ISM1: variants seen among roughly 807,000 people sequenced by gnomAD.
ISM1 encodes isthmin 1, also known as isthmin-1.
In ISM1, 25 loss-of-function variants were observed where a neutral mutation model predicts 46.3. The ratio of observed to expected loss-of-function variants is 0.54; its 90% CI spans 0.39 to 0.75. The LOEUF (loss-of-function observed/expected upper bound fraction) is 0.75. Among genes scored for constraint, ISM1 ranks in the 30% least tolerant of loss-of-function variants. The probability of loss-of-function intolerance (pLI) is 0.00; values close to 1 mark genes in which losing one functional copy is unlikely to be tolerated. For synonymous variants in ISM1, 255 were observed against 256.7 expected (o/e 0.99, Z 0.06); for missense variants, 536 against 625.4 (o/e 0.86, Z 1.52).
intron 1 of ISM1, among the ~76,000 whole-genome samples, chr20:13,251,571 G>T (rs185475206): frequency 1.3e-5 from 2 of 152,270 alleles, no homozygotes; most frequent in Admixed American, 6.5e-5. Flanking sequence ...GAGGTGCAGG[G>T]AGCAAGGGGA....
chr20:13,290,454 C>T (rs759122636), intron 4 of ISM1, among the ~76,000 whole-genome samples: 2 of 152,158 alleles, frequency 1.3e-5, no homozygotes, highest in Admixed American at 6.6e-5. Flanking sequence ...TCGAGACCAT[C>T]CTGGCTAACA....
At chr20:13,236,165 C>T (rs1008521093) in intron 1 of ISM1, among the ~76,000 whole-genome samples, 2 of 152,114 alleles carry the variant, frequency 1.3e-5, no homozygotes, top group African/African-American at 2.4e-5. Context: ...CCTTGTGATC[C>T]ACCCACCTCG....
chr20:13,245,506 A>T (rs1054370196), intron 1 of ISM1: 2 of 152,110 alleles, frequency 1.3e-5, no homozygotes, highest in African/African-American at 4.8e-5. Flanking sequence ...AAGGGAGGGG[A>T]TTGCACAAGG....
Position 13,270,514 on chromosome 20 carries a change from A to C in ISM1, c.149A>C (p.Asn50Thr). Residue 50 changes from asparagine to threonine, a missense_variant, in exon 2 of 6, where the codon AAC becomes ACC. Around this residue, in one of 2 missense-constraint regions of ISM1, gnomAD observed 367 missense variants for 376.1 expected, o/e 0.98. Coordinates refer to ENST00000262487, the MANE Select transcript of ISM1 (RefSeq NM_080826.2). The part of the protein sequence containing the change: ...ASQAQLQNNL[N>T]VGSDTTSETS... ...GTTTGTTTGTTTTAGAATAACCTCAACGTGGGAAGTGACACCACATCAGAA... is the reference window on the plus strand; with the variant it reads ...GTTTGTTTGTTTTAGAATAACCTCACCGTGGGAAGTGACACCACATCAGAA... 6.2e-7 allele frequency: 1 copy of C among 1,612,972 alleles called. No individual in the cohort carries two copies. The highest frequency in any genetic ancestry group is 8.5e-7 in the Non-Finnish European group (1 of 1,179,514).
At chr20:13,265,551 T>G (rs1361343215) in intron 1 of ISM1, among the ~76,000 whole-genome samples, 1 of 152,204 alleles carries the variant, frequency 6.6e-6, no homozygotes, top group Non-Finnish European at 1.5e-5. Context: ...GCTTCCTTGC[T>G]TCTTGTTGCA....
chr20:13,282,918 G>A (rs1035359065), intron 3 of ISM1, among the ~76,000 whole-genome samples: 1 of 152,202 alleles, frequency 6.6e-6, no homozygotes, highest in Admixed American at 6.5e-5. Flanking sequence ...GTAGCATTTG[G>A]CAGAATGAAT....
chr20:13,273,716 A>C (rs2040141571), intron 2 of ISM1, among the ~76,000 whole-genome samples: 1 of 152,242 alleles, frequency 6.6e-6, no homozygotes. Context: ...AAATGGATTA[A>C]AAATTAATGC....
At chr20:13,290,695 TGAA>T (rs1202772592) in intron 4 of ISM1, among the ~76,000 whole-genome samples, 3 of 151,812 alleles carry the variant, frequency 2.0e-5, no homozygotes, top group Non-Finnish European at 4.4e-5. Context: ...AAGATAAAGG[TGAA>T]GAAGAAAAAA....
chr20:13,276,811 G>A (rs2040185315), intron 2 of ISM1, among the ~76,000 whole-genome samples: 1 of 152,162 alleles, frequency 6.6e-6, no homozygotes, highest in African/African-American at 2.4e-5. Context: ...CCTCGCCATT[G>A]GAGAAGTCAT....
At position 13,279,851 on chromosome 20, in the gene ISM1, C is replaced by T. The variant is rs760575726; in HGVS notation, c.596C>T (p.Thr199Ile). ...FLNPPRGWDH[T>I]APGHRTFETK... is the part of the protein sequence containing the mutation. ...AACCCCCCCAGGGGGTGGGACCATA[C>T]AGCCCCAGGCCACCGGACTTTTGAA... Residue 199 changes from threonine (T) to isoleucine (I), a missense_variant, in exon 3 of 6, where the codon ACA (threonine) becomes ATA (isoleucine). Physicochemically the swap from Thr to Ile is moderately conservative, Grantham distance 89. Transcript: ENST00000262487. The T allele has an allele frequency of 3.3e-5, 53 of 1,613,854 alleles. No homozygotes were observed. The highest frequency in any genetic ancestry group is 5.3e-5 in the African/African-American group (4 of 74,934).
chr20:13,254,883 C>T (rs1358147687), intron 1 of ISM1, among the ~76,000 whole-genome samples: 3 of 152,216 alleles, frequency 2.0e-5, no homozygotes, highest in African/African-American at 7.2e-5. Context: ...TCCTGTTTGT[C>T]ATTCCTTCCT....
chr20:13,221,724 C>G lies in ISM1; in HGVS notation c.-53C>G. On this transcript the variant is annotated 5_prime_UTR_variant, in exon 1 of 6. Coordinates refer to ENST00000262487, the MANE Select transcript of ISM1 (RefSeq NM_080826.2). ...CCTACTCCTCCTCCCCCGGCGTCAC[C>G]GCCGCCGCCGCCGGCCGCCGCGCCG... 7.8e-7 allele frequency: 1 copy of G among 1,274,696 alleles called. No individual in the cohort carries two copies. Among genetic ancestry groups the G allele is most frequent in the East Asian group, 3.4e-5 (1 of 29,816 alleles). 79.0% of individuals were successfully genotyped at this position (1,274,696 alleles called of 1,614,324 possible). A position where few individuals can be genotyped will look rare whatever the true frequency, so the allele number is the denominator to read the frequency against.
At position 13,260,621 on chromosome 20, in the gene ISM1, T is replaced by A. The variant is rs560941328; in HGVS notation, c.139-9883T>A. ...AGTGGAGTTTTTTTTTTTTTTGAAG[T>A]TAGTGTGAAATAATTTCTCCAGAAC... On this transcript the variant is annotated intron_variant, in intron 1 of 5. Transcript: ENST00000262487. 3.3e-5 allele frequency among the ~76,000 whole-genome samples: 5 copies of A among 151,948 alleles called. No homozygotes were observed. The East Asian group carries it at 5.8e-4, about 18-fold the overall frequency.
At chr20:13,263,292 G>C (rs1600522723) in intron 1 of ISM1, among the ~76,000 whole-genome samples, 1 of 152,056 alleles carries the variant, frequency 6.6e-6, no homozygotes, top group South Asian at 2.1e-4. Context: ...GTGCATCCTG[G>C]CTGCCTCTTT....
In ISM1 at chr20:13,221,799, TGCTGCTGCTGCTGGG is replaced by T; in HGVS notation, c.36_50del (p.Gly13_Leu17del). The T allele has an allele frequency of 1.4e-6, 2 of 1,390,242 alleles. No individual in the cohort carries two copies. Among genetic ancestry groups the T allele is most frequent in the Admixed American group, 2.7e-5 (1 of 36,630 alleles). The allele number at this position is 1,390,242 out of a possible 1,614,324, so 86.1% of individuals were successfully genotyped here. A position where few individuals can be genotyped will look rare whatever the true frequency, so the allele number is the denominator to read the frequency against. ...AGGATGGTGCGCCTGGCGGCCGAGCTGCTGCTGCTGCTGGGGCTGCTGCTGCTCACGCTGCACATC... is the reference window on the plus strand; with the variant it reads ...AGGATGGTGCGCCTGGCGGCCGAGCTGCTGCTGCTGCTCACGCTGCACATC... On this transcript the variant is annotated inframe_deletion, in exon 1 of 6. Transcript: ENST00000262487.
In ISM1 at chr20:13,289,061, C is replaced by A. The variant is rs531184573; in HGVS notation, c.787+378C>A. ...TCAGCCTCCCAAGGTGCTGGGATTA[C>A]AGGCATGAGGCAAGATGTAACTACT... is the stretch of plus-strand genomic sequence containing the variant. On this transcript the variant is annotated intron_variant, in intron 4 of 5. Coordinates refer to ENST00000262487, the MANE Select transcript of ISM1 (RefSeq NM_080826.2). Among the ~76,000 whole-genome samples, 351 of 152,330 alleles carry A rather than the reference C, an allele frequency of 2.3e-3. 2 individuals carry two copies. The highest frequency in any genetic ancestry group is 8.2e-3 in the African/African-American group (341 of 41,574).
chr20:13,245,450 A>G (rs889674016), intron 1 of ISM1: 3 of 152,236 alleles, frequency 2.0e-5, no homozygotes, highest in Non-Finnish European at 4.4e-5. Context: ...CATGTTTGCC[A>G]TACCCTATTT....
intron 1 of ISM1, among the ~76,000 whole-genome samples, chr20:13,245,993 C>T (rs1173043040): frequency 6.6e-6 from 1 of 152,188 alleles, no homozygotes; most frequent in Non-Finnish European, 1.5e-5. Context: ...GTGGGCTGGG[C>T]GCTGTGGCTC....
chr20:13,257,727 G>A (rs1021005709), intron 1 of ISM1, among the ~76,000 whole-genome samples: 5 of 150,912 alleles, frequency 3.3e-5, no homozygotes, highest in Non-Finnish European at 7.4e-5. Context: ...AAAAAAAAAT[G>A]AGGCCAGGAC....
Sources: gnomAD v4.1 joint callset for allele counts (sites outside exome capture counted in the v4.1 genomes callset) on GRCh38, gnomAD v4.1.1 for gene constraint, gnomAD v4.1.1 regional missense constraint, MANE v1.5 for transcripts, NCBI Gene and HGNC (gene_info 2026-07-23, HGNC 2026-07-21) for gene names.